METTL21A: variants seen among roughly 807,000 people sequenced by gnomAD.
METTL21A encodes protein N-lysine methyltransferase METTL21A.
A neutral mutation model predicts 20.9 loss-of-function variants in METTL21A; 22 were observed. The ratio of observed to expected loss-of-function variants is 1.05; its 90% CI spans 0.75 to 1.50. The LOEUF (loss-of-function observed/expected upper bound fraction) is 1.50. Ranked by LOEUF, METTL21A falls within the 40% of genes most tolerant of loss-of-function variation. The pLI, the probability that METTL21A is intolerant of heterozygous loss-of-function variation, is 0.00. For missense variants in METTL21A, 271 were observed against 266.8 expected, an observed-to-expected ratio of 1.02 and a Z score of -0.11; for synonymous variants, 93 against 102.0, an observed-to-expected ratio of 0.91 and a Z score of 0.53.
intron 3 of METTL21A, among the ~76,000 whole-genome samples, chr2:207,620,325 C>T (rs1240216257): frequency 1.3e-5 from 2 of 152,042 alleles, no homozygotes; most frequent in African/African-American, 2.4e-5. Flanking sequence ...TGCCTGTAGT[C>T]CCAGCTACTA....
chr2:207,586,578 TAAAA>T (rs2083882902), intron 3 of METTL21A, among the ~76,000 whole-genome samples: 1 of 152,042 alleles, frequency 6.6e-6, no homozygotes, highest in African/African-American at 2.4e-5. Context: ...AATATTAAAC[TAAAA>T]AGCTTCTGAA....
chr2:207,622,341 T>C (rs1169573675), intron 2 of METTL21A, among the ~76,000 whole-genome samples: 5 of 151,938 alleles, frequency 3.3e-5, no homozygotes, highest in African/African-American at 9.7e-5. Context: ...CTAATTTTTG[T>C]AGTTTTTTTG....
intron 3 of METTL21A, 63 bp downstream of exon 3, chr2:207,621,743 G>T: frequency 7.0e-7 from 1 of 1,435,204 alleles, no homozygotes; most frequent in Non-Finnish European, 9.8e-7. Flanking sequence ...TTTGCGCTAA[G>T]AAAACAGCAA....
At chr2:207,602,003 G>A (rs149927228) in intron 3 of METTL21A, 29 of 206,710 alleles carry the variant, frequency 1.4e-4, no homozygotes, top group African/African-American at 5.9e-4. Context: ...TCTTTGAGGG[G>A]CTGAACATAT....
At chr2:207,595,905 G>A (rs2086067420) in intron 3 of METTL21A, among the ~76,000 whole-genome samples, 1 of 152,116 alleles carries the variant, frequency 6.6e-6, no homozygotes, top group Non-Finnish European at 1.5e-5. Context: ...TATATGATTT[G>A]CAGATATTTC....
intron 2 of METTL21A, among the ~76,000 whole-genome samples, chr2:207,622,161 A>ATT (rs11326646): frequency 2.5e-4 from 30 of 122,294 alleles, no homozygotes; most frequent in African/African-American, 3.4e-4. Flanking sequence ...GGAAAGCTTA[A>ATT]TTTTTTTTTT....
intron 3 of METTL21A, among the ~76,000 whole-genome samples, chr2:207,589,534 C>T (rs148431961): frequency 6.6e-6 from 1 of 152,296 alleles, no homozygotes; most frequent in African/African-American, 2.4e-5. Flanking sequence ...TCACACACTG[C>T]AGAGATTAGT....
intron 3 of METTL21A, chr2:207,620,899 T>TGTAGACAATTCC: frequency 2.4e-6 from 1 of 415,336 alleles, no homozygotes; most frequent in Non-Finnish European, 4.3e-6. Context: ...GCGATGGGTT[T>TGTAGACAATTCC]AGAATACTCT....
chr2:207,586,141 C>T (rs2083794233), intron 3 of METTL21A, among the ~76,000 whole-genome samples: 1 of 152,094 alleles, frequency 6.6e-6, no homozygotes, highest in South Asian at 2.1e-4. Flanking sequence ...CCAAAGCATT[C>T]CTGAACTAAA....
At chr2:207,595,051 C>T (rs953998991) in intron 3 of METTL21A, among the ~76,000 whole-genome samples, 25 of 147,998 alleles carry the variant, frequency 1.7e-4, no homozygotes, top group African/African-American at 6.0e-4. Flanking sequence ...GGTAGAGTGC[C>T]GTGGTGCAAT....
chr2:207,619,993 T>A (rs2090288295), intron 3 of METTL21A, among the ~76,000 whole-genome samples: 1 of 152,186 alleles, frequency 6.6e-6, no homozygotes, highest in Non-Finnish European at 1.5e-5. Flanking sequence ...CAAAACCAAG[T>A]ATAACTAAGC....
intron 2 of METTL21A, among the ~76,000 whole-genome samples, chr2:207,623,684 T>C (rs771329206): frequency 2.0e-5 from 3 of 152,148 alleles, no homozygotes; most frequent in African/African-American, 4.8e-5. Context: ...AAACCCCATC[T>C]CTACCAAAAA....
At chr2:207,607,972 TCTC>T (rs1202598034), downstream of METTL21A, among the ~76,000 whole-genome samples, 1 of 151,914 alleles carries the variant, frequency 6.6e-6, no homozygotes, top group Non-Finnish European at 1.5e-5. Flanking sequence ...GCGCGCTCGC[TCTC>T]CTCTCACACA....
chr2:207,618,414 GATAAACA>G (rs2090054258), intron 3 of METTL21A, among the ~76,000 whole-genome samples: 1 of 152,014 alleles, frequency 6.6e-6, no homozygotes, highest in South Asian at 2.1e-4. Flanking sequence ...CACAGTAAGA[GATAAACA>G]ATAAATAATA....
intron 3 of METTL21A, among the ~76,000 whole-genome samples, chr2:207,590,091 T>TG (rs1559071892): frequency 7.1e-6 from 1 of 140,212 alleles, no homozygotes. Context: ...AAGTTTTTTT[T>TG]TTTTTTTTTT....
chr2:207,622,222 G>A (rs186579850), intron 2 of METTL21A, among the ~76,000 whole-genome samples: 28 of 147,096 alleles, frequency 1.9e-4, no homozygotes, highest in Non-Finnish European at 3.0e-4. Flanking sequence ...AGGCTGGAGT[G>A]CAGTGGCACA....
intron 3 of METTL21A, chr2:207,599,340 C>G (rs1171879307): frequency 4.9e-6 from 1 of 203,580 alleles, no homozygotes; most frequent in Non-Finnish European, 1.0e-5. Flanking sequence ...GTCAAAATGT[C>G]GAATCGAACA....
chr2:207,580,786 T>G, downstream of METTL21A: 1 of 224,416 alleles, frequency 4.5e-6, no homozygotes, highest in Non-Finnish European at 8.9e-6. Context: ...CTGTTACATT[T>G]TGGCAGCTGC....
intron 3 of METTL21A, among the ~76,000 whole-genome samples, chr2:207,590,342 C>G (rs1482694317): frequency 6.6e-6 from 1 of 151,760 alleles, no homozygotes; most frequent in Non-Finnish European, 1.5e-5. Flanking sequence ...ACCCCTACCC[C>G]AGCCACCCTC....
Sources: gnomAD v4.1 joint callset for allele counts (sites outside exome capture counted in the v4.1 genomes callset) on GRCh38, gnomAD v4.1.1 for gene constraint, MANE v1.5 for transcripts, NCBI Gene and HGNC (gene_info 2026-07-23, HGNC 2026-07-21) for gene names.